TFDP2: variants seen among roughly 807,000 people sequenced by gnomAD.
The protein encoded by TFDP2 is transcription factor Dp-2 (E2F dimerization partner 2).
A neutral mutation model predicts 59.3 loss-of-function variants in TFDP2; 17 were observed. That is an observed-to-expected ratio of 0.29 (90% CI 0.20 to 0.43). TFDP2 has a LOEUF of 0.43. Ranked by LOEUF, TFDP2 falls within the 20% of genes least tolerant of loss-of-function variation. The pLI is 1.00. For missense variants in TFDP2, 391 were observed against 528.8 expected (o/e 0.74, Z 2.56); for synonymous variants, 180 against 194.7 (o/e 0.92, Z 0.63).
Position 141,978,509 on chromosome 3 carries a change from G to T in TFDP2, c.519+11C>A. 6.2e-7 allele frequency: 1 copy of T among 1,601,946 alleles called. No homozygotes were observed. The highest frequency in any genetic ancestry group is 8.5e-7 in the Non-Finnish European group (1 of 1,176,458). Reference sequence around the variant, plus strand: ...CCATCAAAATCAATGTCAGGTTCATGATTTACATACCGAATCAGCAGCCAA... The same window carrying T: ...CCATCAAAATCAATGTCAGGTTCATTATTTACATACCGAATCAGCAGCCAA... On this transcript the variant is annotated intron_variant, in intron 7 of 12. Transcript: ENST00000489671.
At chr3:142,083,539 T>G (rs2060710443) in intron 3 of TFDP2, among the ~76,000 whole-genome samples, 1 of 152,102 alleles carries the variant, frequency 6.6e-6, no homozygotes, top group Non-Finnish European at 1.5e-5. Flanking sequence ...AGACCCAGAA[T>G]AGCCAAAGCT....
At chr3:142,052,282 A>G (rs1336774704) in intron 3 of TFDP2, among the ~76,000 whole-genome samples, 2 of 152,190 alleles carry the variant, frequency 1.3e-5, no homozygotes, top group Admixed American at 6.5e-5. Flanking sequence ...TCACGCCTAT[A>G]ATCCCAGCAC....
rs996257732 is a variant in TFDP2 at position 141,965,862 on chromosome 3, C to T, written c.733-1899G>A. On this transcript the variant is annotated intron_variant, in intron 9 of 12. Coordinates refer to ENST00000489671, the MANE Select transcript of TFDP2 (RefSeq NM_001178139.2). The stretch of plus-strand genomic sequence containing the variant: ...AAAAAACGAATTCATTGCTTAATTC[C>T]TTTAATAATGAGGAAAAATTATGAT... 5.9e-5 allele frequency among the ~76,000 whole-genome samples: 9 copies of T among 151,958 alleles called. No homozygotes were observed. The East Asian group carries it at 1.7e-3, about 29-fold the overall frequency.
intron 3 of TFDP2, chr3:142,029,036 A>G (rs1209070019): frequency 6.5e-6 from 1 of 152,680 alleles, no homozygotes; most frequent in Non-Finnish European, 1.5e-5. Context: ...ATAAGATTAA[A>G]CTTACTCGTG....
intron 3 of TFDP2, among the ~76,000 whole-genome samples, chr3:142,050,489 A>G (rs1249529742): frequency 6.6e-6 from 1 of 151,766 alleles, no homozygotes; most frequent in Non-Finnish European, 1.5e-5. Flanking sequence ...AGGTCAGGAG[A>G]TCGAGACCAT....
intron 4 of TFDP2, among the ~76,000 whole-genome samples, chr3:142,002,937 T>C (rs746579632): frequency 8.6e-5 from 13 of 151,970 alleles, no homozygotes; most frequent in Non-Finnish European, 1.2e-4. Flanking sequence ...CTCTGCTTCA[T>C]AGATGGTACC....
At chr3:141,982,035 A>G (rs903146283) in intron 6 of TFDP2, among the ~76,000 whole-genome samples, 1 of 152,118 alleles carries the variant, frequency 6.6e-6, no homozygotes, top group Non-Finnish European at 1.5e-5. Flanking sequence ...ACTGTCCAAT[A>G]CCCCTAGGCA....
chr3:142,031,711 G>GT (rs1191061364), intron 3 of TFDP2, among the ~76,000 whole-genome samples: 1 of 152,148 alleles, frequency 6.6e-6, no homozygotes, highest in Non-Finnish European at 1.5e-5. Flanking sequence ...ATTCTCCTAG[G>GT]TTTATAAACT....
At chr3:142,011,448 G>A in intron 3 of TFDP2, among the ~76,000 whole-genome samples, 1 of 107,574 alleles carries the variant, frequency 9.3e-6, no homozygotes, top group East Asian at 3.2e-4. Context: ...GGTGGGGTGG[G>A]GGGAGGGGGG....
intron 3 of TFDP2, among the ~76,000 whole-genome samples, chr3:142,069,500 A>C (rs2060173935): frequency 6.6e-6 from 1 of 152,228 alleles, no homozygotes. Flanking sequence ...TAAATATTGC[A>C]AATTCCCTCT....
intron 3 of TFDP2, among the ~76,000 whole-genome samples, chr3:142,068,615 G>GCAGC (rs2060146672): frequency 6.6e-6 from 1 of 150,838 alleles, no homozygotes; most frequent in Non-Finnish European, 1.5e-5. Context: ...CTGGCTGGCT[G>GCAGC]GAGTGCAGTG....
chr3:142,113,345 G>A (rs780472359), intron 1 of TFDP2, among the ~76,000 whole-genome samples: 3 of 151,862 alleles, frequency 2.0e-5, no homozygotes, highest in Non-Finnish European at 2.9e-5. Context: ...TGCAACCTCC[G>A]CCTCCCGGGT....
chr3:142,093,099 A>C lies in TFDP2; in HGVS notation c.44T>G (p.Val15Gly). The C allele has an allele frequency of 1.9e-6, 3 of 1,541,924 alleles. No homozygotes were observed. The highest frequency in any genetic ancestry group is 2.6e-6 in the Non-Finnish European group (3 of 1,150,088). Residue 15 changes from valine to glycine, a missense_variant, in exon 3 of 13, where the codon GTA becomes GGA. This residue lies in a region of TFDP2 where 162 missense variants were observed against 206.8 expected (regional missense o/e 0.78). Coordinates refer to ENST00000489671, the MANE Select transcript of TFDP2 (RefSeq NM_001178139.2). Reference sequence around the variant, plus strand: ...GAGATTCTGATCTATAAATCCTCTTACTTCTGCATTTGTGGAAGTCAAACC... The same window carrying C: ...GAGATTCTGATCTATAAATCCTCTTCCTTCTGCATTTGTGGAAGTCAAACC... ...NVGLTSTNAE[V>G]RGFIDQNLSP...
intron 3 of TFDP2, among the ~76,000 whole-genome samples, chr3:142,091,798 C>T (rs1263200376): frequency 6.6e-6 from 1 of 152,038 alleles, no homozygotes; most frequent in African/African-American, 2.4e-5. Context: ...ACCCAGATCC[C>T]TCCCATGTGC....
At position 141,952,477 on chromosome 3, in the gene TFDP2, A is replaced by G. The variant is rs567737097; in HGVS notation, c.*36T>C. On this transcript the variant is annotated 3_prime_UTR_variant, in exon 13 of 13. Coordinates refer to ENST00000489671, the MANE Select transcript of TFDP2 (RefSeq NM_001178139.2). Reference sequence around the variant, plus strand: ...AGAGCTCACACTACAAACACACATGAGCATCACATATTGAAACGTAGGCTT... The same window carrying G: ...AGAGCTCACACTACAAACACACATGGGCATCACATATTGAAACGTAGGCTT... The G allele has an allele frequency of 1.3e-6, 2 of 1,494,300 alleles. No individual in the cohort carries two copies. Among genetic ancestry groups the G allele is most frequent in the Non-Finnish European group, 8.9e-7 (1 of 1,127,536 alleles). The allele number at this position is 1,494,300 out of a possible 1,614,324, so 92.6% of individuals were successfully genotyped here.
intron 7 of TFDP2, among the ~76,000 whole-genome samples, chr3:141,975,200 C>A (rs1940443268): frequency 6.6e-6 from 1 of 151,884 alleles, no homozygotes; most frequent in Non-Finnish European, 1.5e-5. Context: ...GTGTGAGCCA[C>A]CATGCCCGGC....
At chr3:141,968,288 T>TATATATA (rs570914695) in intron 9 of TFDP2, among the ~76,000 whole-genome samples, 2 of 127,884 alleles carry the variant, frequency 1.6e-5, no homozygotes, top group African/African-American at 3.0e-5. Context: ...TATATAACAA[T>TATATATA]ATATATAATA....
At chr3:142,080,538 T>A (rs1390485761) in intron 3 of TFDP2, among the ~76,000 whole-genome samples, 1 of 152,030 alleles carries the variant, frequency 6.6e-6, no homozygotes, top group Non-Finnish European at 1.5e-5. Context: ...AACTCTCCAA[T>A]CAAAAGACAT....
At chr3:142,018,502 ACCCAG>A in intron 3 of TFDP2, among the ~76,000 whole-genome samples, 1 of 151,784 alleles carries the variant, frequency 6.6e-6, no homozygotes, top group East Asian at 1.9e-4. Context: ...TCCTTCTGTC[ACCCAG>A]GCTGGACTGC....
Sources: gnomAD v4.1 joint callset for allele counts (sites outside exome capture counted in the v4.1 genomes callset) on GRCh38, gnomAD v4.1.1 for gene constraint, gnomAD v4.1.1 regional missense constraint, MANE v1.5 for transcripts, NCBI Gene and HGNC (gene_info 2026-07-23, HGNC 2026-07-21) for gene names.